TIAM2: variants seen among roughly 807,000 people sequenced by gnomAD.
TIAM2 encodes TIAM Rac1 associated GEF 2, also known as rho guanine nucleotide exchange factor TIAM2.
A neutral mutation model predicts 152.9 loss-of-function variants in TIAM2; 80 were observed. The ratio of observed to expected loss-of-function variants is 0.52; its 90% confidence interval spans 0.44 to 0.63. TIAM2 has a LOEUF of 0.63. TIAM2 is among the 30% of genes least tolerant of loss of function. The pLI is 0.00. For synonymous variants in TIAM2, 804 were observed against 838.0 expected (o/e 0.96, Z 0.70); for missense variants, 1,965 against 2,120.1 (o/e 0.93, Z 1.44).
At chr6:155,200,092 A>G (rs1380921441) in intron 14 of TIAM2, among the ~76,000 whole-genome samples, 29 of 152,336 alleles carry the variant, frequency 1.9e-4, no homozygotes, top group Non-Finnish European at 5.9e-5. Context: ...ATTAATATAC[A>G]TAGAGTAAAA....
intron 2 of TIAM2, among the ~76,000 whole-genome samples, chr6:155,101,600 T>G (rs1001749235): frequency 3.9e-5 from 6 of 152,232 alleles, no homozygotes; most frequent in Non-Finnish European, 8.8e-5. Context: ...GTCAGAAGCA[T>G]TCTGTGTTTG....
In TIAM2 at chr6:155,176,819, G is replaced by C. The variant is rs146936788; in HGVS notation, c.2365G>C (p.Asp789His). The C allele has an allele frequency of 4.5e-5, 73 of 1,606,098 alleles. No homozygotes were observed. Among genetic ancestry groups the C allele is most frequent in the South Asian group, 1.2e-4 (11 of 89,188 alleles). Residue 789 changes from aspartate to histidine, a missense_variant, in exon 10 of 27, where the codon GAT (aspartate) becomes CAT (histidine). Asp to His is a moderately conservative substitution (Grantham distance 81). This residue lies in a region of TIAM2 where 1,025 missense variants were observed against 1,119.4 expected (regional missense o/e 0.92). Coordinates refer to ENST00000682666, the MANE Select transcript of TIAM2 (RefSeq NM_012454.4). The stretch of plus-strand genomic sequence containing the variant: ...TTCTTTTGGCATCTACAAACAGGTC[G>C]ATGAACTTCTGCATATATATGGTTC... Reference protein sequence around the residue: ...KEKRPSITQVDELLHIYGSTV... With the variant: ...KEKRPSITQVHELLHIYGSTV...
intron 14 of TIAM2, among the ~76,000 whole-genome samples, chr6:155,207,505 G>T (rs185485189): frequency 6.6e-6 from 1 of 152,196 alleles, no homozygotes; most frequent in Admixed American, 6.5e-5. Context: ...GTAGAACACC[G>T]CTGAGATTTC....
intron 18 of TIAM2, among the ~76,000 whole-genome samples, chr6:155,245,126 G>A (rs768898943): frequency 7.2e-5 from 11 of 152,160 alleles, no homozygotes; most frequent in Non-Finnish European, 1.0e-4. Flanking sequence ...CTTCTTCCCC[G>A]TGGTCATGTG....
chr6:155,179,082 A>C lies in TIAM2; in HGVS notation c.2567A>C (p.Lys856Thr), dbSNP rs1780827739. ...EPSHYGLQLRKLVDDNVEYCI... is the reference protein window; with the variant it reads ...EPSHYGLQLRTLVDDNVEYCI... The stretch of plus-strand genomic sequence containing the variant: ...AGCCATTATGGCCTACAGCTTCGAA[A>C]ATTAGTAGATGACAATGTTGAGTAT... The change falls in exon 11 of 27, where the codon AAA becomes ACA. Residue 856 changes from lysine to threonine, a missense_variant. Lys to Thr is a moderately conservative substitution (Grantham distance 78, BLOSUM62 -1). This residue lies in a region of TIAM2 where 1,025 missense variants were observed against 1,119.4 expected (regional missense o/e 0.92). Coordinates refer to ENST00000682666, the MANE Select transcript of TIAM2 (RefSeq NM_012454.4). The C allele has an allele frequency of 3.1e-6, 5 of 1,614,048 alleles. No homozygotes were observed. The highest frequency in any genetic ancestry group is 1.3e-5 in the African/African-American group (1 of 74,920).
At chr6:155,144,530 G>A (rs565544353) in intron 5 of TIAM2, 76 bp from the exon 6 acceptor site, 9 of 1,378,372 alleles carry the variant, frequency 6.5e-6, no homozygotes, top group Middle Eastern at 5.3e-4. Context: ...TTAAAAAAGT[G>A]TGTCACTTAC....
chr6:155,163,775 T>A (rs988250), intron 7 of TIAM2, among the ~76,000 whole-genome samples: 90,388 of 152,026 alleles, frequency 0.59, 27,644 homozygotes, highest in Admixed American at 0.73. Context: ...TGAAGGGAAA[T>A]GAAGCAAAGT....
intron 23 of TIAM2, 61 bp downstream of exon 23, chr6:155,252,064 G>A (rs762222789): frequency 1.2e-4 from 165 of 1,395,868 alleles, no homozygotes; most frequent in Non-Finnish European, 8.1e-5. Flanking sequence ...TCCTATTAAC[G>A]TTGAACTGAA....
At chr6:155,194,859 G>A (rs1781299643) in intron 14 of TIAM2, among the ~76,000 whole-genome samples, 2 of 152,106 alleles carry the variant, frequency 1.3e-5, no homozygotes, top group Non-Finnish European at 2.9e-5. Context: ...AATTATGGGG[G>A]CGGTTTCCCC....
intron 2 of TIAM2, among the ~76,000 whole-genome samples, chr6:155,116,005 A>G (rs1180052452): frequency 6.6e-6 from 1 of 152,168 alleles, no homozygotes. Context: ...CCAGAGGCTA[A>G]GGCCTGAGAC....
Position 155,248,083 on chromosome 6 carries a change from A to C in TIAM2, c.3736A>C (p.Ile1246Leu). 6.2e-7 allele frequency: 1 copy of C among 1,614,214 alleles called. No homozygotes were observed. ...TTCCTCCACGCTGGAGTCCTACCTC[A>C]TCAAGCCGGTTCAGAGAGTGCTCAA... ...QHSSTLESYLIKPVQRVLKYP... is the reference protein window; with the variant it reads ...QHSSTLESYLLKPVQRVLKYP... Residue 1246 changes from isoleucine to leucine, a missense_variant, in exon 20 of 27, where the codon ATC becomes CTC. Ile to Leu is a conservative substitution (Grantham distance 5, BLOSUM62 2). This residue lies in a region of TIAM2 where 935 missense variants were observed against 980.0 expected (regional missense o/e 0.95). Coordinates refer to ENST00000682666, the MANE Select transcript of TIAM2 (RefSeq NM_012454.4).
At chr6:155,239,646 C>T (rs1782932600) in intron 15 of TIAM2, among the ~76,000 whole-genome samples, 1 of 152,164 alleles carries the variant, frequency 6.6e-6, no homozygotes, top group Admixed American at 6.5e-5. Context: ...GCCAGTGGTC[C>T]CCCCAGATGG....
At position 155,241,578 on chromosome 6, in the gene TIAM2, C is replaced by T. The variant is rs181597279; in HGVS notation, c.3348+869C>T. Among the ~76,000 whole-genome samples, 174 of 152,254 alleles carry T rather than the reference C, an allele frequency of 1.1e-3. 1 individual carries two copies. The highest frequency in any genetic ancestry group is 3.9e-3 in the African/African-American group (163 of 41,554). The stretch of plus-strand genomic sequence containing the variant: ...GCTTGGCACACACGTGCGGCTATTA[C>T]CTTGCTCTGCAAGACAGATCTGAGC... On this transcript the variant is annotated intron_variant, in intron 16 of 26. Coordinates refer to ENST00000682666, the MANE Select transcript of TIAM2 (RefSeq NM_012454.4).
intron 2 of TIAM2, among the ~76,000 whole-genome samples, chr6:155,094,907 GA>G (rs767742857): frequency 1.3e-5 from 2 of 151,834 alleles, no homozygotes; most frequent in Admixed American, 6.6e-5. Context: ...AAATAGCTCT[GA>G]AGGTATCTGA....
intron 1 of TIAM2, among the ~76,000 whole-genome samples, chr6:155,084,343 A>C (rs1021984660): frequency 3.9e-5 from 6 of 152,224 alleles, no homozygotes; most frequent in African/African-American, 1.4e-4. Context: ...TATTTCCAGC[A>C]CTTAGCATAG....
chr6:155,114,851 G>A (rs4870353), intron 2 of TIAM2, among the ~76,000 whole-genome samples: 3,236 of 151,986 alleles, frequency 0.021, 149 homozygotes, highest in Admixed American at 0.12. Context: ...TTTTTGAGAT[G>A]GAGTCTCGCT....
chr6:155,061,857 T>C (rs2114939345), intron 1 of TIAM2, among the ~76,000 whole-genome samples: 1 of 152,296 alleles, frequency 6.6e-6, no homozygotes, highest in Non-Finnish European at 1.5e-5. Context: ...TTAATTCACT[T>C]TTTGTGGTGT....
At chr6:155,136,282 T>C (rs930259131) in intron 4 of TIAM2, among the ~76,000 whole-genome samples, 1 of 151,732 alleles carries the variant, frequency 6.6e-6, no homozygotes, top group Non-Finnish European at 1.5e-5. Flanking sequence ...TTATTATTGT[T>C]ATTATTTTTG....
intron 15 of TIAM2, among the ~76,000 whole-genome samples, chr6:155,226,798 A>G (rs373599491): frequency 2.6e-5 from 4 of 152,330 alleles, no homozygotes; most frequent in South Asian, 2.1e-4. Context: ...CATTCCCCCA[A>G]GTCAGAGCCC....
Sources: allele counts gnomAD v4.1 joint callset (sites outside exome capture counted in the v4.1 genomes callset), GRCh38; gene constraint gnomAD v4.1.1; regional missense constraint gnomAD v4.1.1; transcripts MANE v1.5; gene names NCBI Gene and HGNC (gene_info 2026-07-23, HGNC 2026-07-21).